Variants in HEG1 observed in about 807,000 individuals in gnomAD.
HEG1 encodes the protein heart development protein with EGF like domains 1, also known as protein HEG homolog 1.
In HEG1, 56 loss-of-function variants were observed where a neutral mutation model predicts 125.6. The ratio of observed to expected loss-of-function variants is 0.45; its 90% confidence interval spans 0.36 to 0.56. The LOEUF is 0.56. Ranked by LOEUF, HEG1 falls within the 20% of genes least tolerant of loss-of-function variation. The pLI, the probability that HEG1 is intolerant of heterozygous loss-of-function variation, is 0.00. For synonymous variants in HEG1, 644 were observed against 668.5 expected (o/e 0.96, Z 0.57); for missense variants, 1,523 against 1,670.0 (o/e 0.91, Z 1.53).
At chr3:124,987,952 C>CACACACACACACATATATAT in intron 14 of HEG1, among the ~76,000 whole-genome samples, 1 of 54,658 alleles carries the variant, frequency 1.8e-5, no homozygotes, top group African/African-American at 4.8e-5. Flanking sequence ...CACACACACA[C>CACACACACACACATATATAT]ATATATATAT....
intron 16 of HEG1, among the ~76,000 whole-genome samples, chr3:124,972,434 T>G (rs1936463689): frequency 6.6e-6 from 1 of 152,238 alleles, no homozygotes; most frequent in African/African-American, 2.4e-5. Flanking sequence ...TATGTTTTTT[T>G]CCTTATTTAT....
rs370122867 is a variant in HEG1, at chr3:124,990,758, C to A, written c.3733+29G>T. 1.4e-3 allele frequency: 2,230 copies of A among 1,554,014 alleles called. 3 individuals are homozygous for A. The highest frequency in any genetic ancestry group is 1.4e-3 in the Non-Finnish European group (1,587 of 1,147,912). Reference sequence around the variant, plus strand: ...AACAACAGGGCCAGGCCCCTGCCCACGCATAATGGTCCACTTTTGTACACT... The same window carrying A: ...AACAACAGGGCCAGGCCCCTGCCCAAGCATAATGGTCCACTTTTGTACACT... On this transcript the variant is annotated intron_variant, in intron 14 of 16. Coordinates refer to ENST00000311127, the MANE Select transcript of HEG1 (RefSeq NM_020733.2).
At chr3:125,053,941 G>GC (rs1937870951) in intron 1 of HEG1, among the ~76,000 whole-genome samples, 1 of 152,174 alleles carries the variant, frequency 6.6e-6, no homozygotes, top group South Asian at 2.1e-4. Flanking sequence ...TCCAGCCAGG[G>GC]CCCCTGCAAG....
chr3:125,014,999 G>C, intron 5 of HEG1: 1 of 1,250,154 alleles, frequency 8.0e-7, no homozygotes. Context: ...CTGGCTCTCG[G>C]CTGTCTTCCA....
Position 125,013,407 on chromosome 3 carries a change from C to A in HEG1, c.2172G>T (p.Thr724=). 3 of 1,613,806 alleles carry A rather than the reference C, an allele frequency of 1.9e-6. No individual in the cohort carries two copies. Among genetic ancestry groups the A allele is most frequent in the Non-Finnish European group, 2.5e-6 (3 of 1,179,866 alleles). Residue 724 remains threonine (T), a synonymous_variant, in exon 6 of 17, where the codon ACG becomes ACT. Coordinates refer to ENST00000311127, the MANE Select transcript of HEG1 (RefSeq NM_020733.2). ...CAGAAAGTGGGGCAGATGTAGATGT[C>A]GTTAAGGATACTGGTAAAGGTGATG... ...SSPSPLPVSL[T]TSTSAPLSVS...
At chr3:125,033,769 T>A (rs1383977615) in intron 1 of HEG1, among the ~76,000 whole-genome samples, 1 of 152,008 alleles carries the variant, frequency 6.6e-6, no homozygotes, top group Non-Finnish European at 1.5e-5. Context: ...CAGGAGGAGG[T>A]GAGCAGTGGG....
intron 1 of HEG1, among the ~76,000 whole-genome samples, chr3:125,031,682 C>CAT (rs569863148): frequency 1.6e-3 from 125 of 80,490 alleles, no homozygotes; most frequent in African/African-American, 5.4e-3. Context: ...TACATACATA[C>CAT]ACACACACAC....
Position 124,973,777 on chromosome 3 carries a change from T to C in HEG1, c.3950A>G (p.Asn1317Ser), listed in dbSNP as rs780332821. 22 of 1,613,878 alleles carry C rather than the reference T, an allele frequency of 1.4e-5. No individual in the cohort carries two copies. In the South Asian group the frequency reaches 2.0e-4, roughly 14 times the overall value. Residue 1317 changes from asparagine (N) to serine (S), a missense_variant, in exon 16 of 17, where the codon AAT (asparagine) becomes AGT (serine). Physicochemically the swap from Asn to Ser is conservative, Grantham distance 46. Transcript: ENST00000311127. ...WGREAIEMHE[N>S]GSTKNLLQMT... ...CTGGAGGAGGTTTTTGGTACTTCCA[T>C]TCTCATGCATTTCAATAGCTTCTCG...
chr3:125,015,117 G>A (rs1214642448), intron 5 of HEG1: 12 of 690,530 alleles, frequency 1.7e-5, no homozygotes, highest in African/African-American at 5.7e-5. Context: ...ACGCTCCCCT[G>A]TACTTTTAGG....
intron 1 of HEG1, 78 bp downstream of exon 1, chr3:125,055,497 G>A (rs1328517065): frequency 6.0e-6 from 6 of 998,234 alleles, no homozygotes; most frequent in Non-Finnish European, 7.5e-6. Flanking sequence ...AGGGGCCTAC[G>A]GCTGGGGATG....
At chr3:125,010,601 G>A (rs1223212181) in intron 6 of HEG1, 46 bp from the exon 7 acceptor site, 1 of 1,124,896 alleles carries the variant, frequency 8.9e-7, no homozygotes, top group Non-Finnish European at 1.3e-6. Context: ...CACAGGAAAT[G>A]TAAAGGCAGC....
At chr3:125,000,609 T>C (rs546186494) in intron 11 of HEG1, among the ~76,000 whole-genome samples, 3 of 152,268 alleles carry the variant, frequency 2.0e-5, no homozygotes, top group East Asian at 3.9e-4. Flanking sequence ...TTTTTTTTTT[T>C]TTCTCAGATT....
chr3:125,050,387 A>C (rs977210962), intron 1 of HEG1, among the ~76,000 whole-genome samples: 1 of 151,948 alleles, frequency 6.6e-6, no homozygotes, highest in African/African-American at 2.4e-5. Context: ...CAAGTGATCC[A>C]CCCGACTTGG....
chr3:124,970,798 T>C lies in HEG1; in HGVS notation c.4000A>G (p.Thr1334Ala). The C allele has an allele frequency of 1.2e-6, 2 of 1,607,432 alleles. No individual in the cohort carries two copies. The highest frequency in any genetic ancestry group is 1.7e-6 in the Non-Finnish European group (2 of 1,177,070). ...TCAAGTTCTGGATTCCTTACACTTG[T>C]AGGCTGGTTGCCAAAGAGAAAAGAA... ...LQMTDVYYSPTSVRNPELERN... is the reference protein window; with the variant it reads ...LQMTDVYYSPASVRNPELERN... Residue 1334 changes from threonine to alanine, a missense_variant, in exon 17 of 17, where the codon ACA becomes GCA. Transcript: ENST00000311127.
rs150281271 is a variant in HEG1, at chr3:125,049,113, A to C, written c.316+6462T>G. On this transcript the variant is annotated intron_variant, in intron 1 of 16. Coordinates refer to ENST00000311127, the MANE Select transcript of HEG1 (RefSeq NM_020733.2). ...ATACGGTAGGCAGGCTTCTTCCTGC[A>C]CTTTTAGGAGTCCCACTAAACAGTT... is the stretch of plus-strand genomic sequence containing the variant. Among the ~76,000 whole-genome samples the C allele has an allele frequency of 1.8e-4, 28 of 152,234 alleles. 1 individual carries two copies. In the East Asian group the frequency reaches 4.8e-3, roughly 26 times the overall value.
chr3:125,010,502 T>C lies in HEG1; in HGVS notation c.3010A>G (p.Asn1004Asp), dbSNP rs778628426. 8 of 1,560,752 alleles carry C rather than the reference T, an allele frequency of 5.1e-6. No homozygotes were observed. The South Asian group carries it at 8.3e-5, about 16-fold the overall frequency. The change falls in exon 7 of 17, where the codon AAC becomes GAC. Residue 1004 changes from asparagine (N) to aspartate (D), a missense_variant. By Grantham distance (23) the Asn-to-Asp change is conservative (BLOSUM62 1). Coordinates refer to ENST00000311127, the MANE Select transcript of HEG1 (RefSeq NM_020733.2). Reference sequence around the variant, plus strand: ...CTGCAGTGGTAGCCACGGCTGGTGTTGTCTGCGACGCATTCGCCATTGTGA... The same window carrying C: ...CTGCAGTGGTAGCCACGGCTGGTGTCGTCTGCGACGCATTCGCCATTGTGA... ...CLHNGECVAD[N>D]TSRGYHCRCP... is the part of the protein sequence containing the mutation.
chr3:125,018,445 G>A (rs1579421714), intron 5 of HEG1, among the ~76,000 whole-genome samples: 1 of 152,204 alleles, frequency 6.6e-6, no homozygotes, highest in East Asian at 1.9e-4. Flanking sequence ...GAATTAGACA[G>A]TGGTGATGCT....
Position 125,020,837 on chromosome 3 carries a change from T to C in HEG1, c.1207A>G (p.Asn403Asp), listed in dbSNP as rs1263461256. The change falls in exon 4 of 17, where the codon AAT becomes GAT. Residue 403 changes from asparagine to aspartate, a missense_variant. Transcript: ENST00000311127. ...DEEFIEPSTE[N>D]EFGLTSLRWQ... ...CGCAAAGACGTAAGTCCAAATTCAT[T>C]TTCTGTGGATGGTTCAATGAATTCC... 6.2e-7 allele frequency: 1 copy of C among 1,613,976 alleles called. No individual in the cohort carries two copies. Among genetic ancestry groups the C allele is most frequent in the Non-Finnish European group, 8.5e-7 (1 of 1,179,868 alleles).
At chr3:125,051,461 T>C (rs1937803882) in intron 1 of HEG1, among the ~76,000 whole-genome samples, 1 of 152,184 alleles carries the variant, frequency 6.6e-6, no homozygotes, top group Non-Finnish European at 1.5e-5. Context: ...TTGGTCAAAA[T>C]CTATTAAAAT....
Sources: gnomAD v4.1 joint callset for allele counts (sites outside exome capture counted in the v4.1 genomes callset) on GRCh38, gnomAD v4.1.1 for gene constraint, MANE v1.5 for transcripts, NCBI Gene and HGNC (gene_info 2026-07-23, HGNC 2026-07-21) for gene names.